The following RNF169 variants were observed in gnomAD, a reference collection of about 807,000 sequenced individuals.
RNF169 encodes ring finger protein 169.
In RNF169, 24 loss-of-function variants were observed where a neutral mutation model predicts 53.9. The ratio of observed to expected loss-of-function variants is 0.45; its 90% confidence interval spans 0.32 to 0.63. RNF169 has a LOEUF of 0.63. Among genes scored for constraint, RNF169 ranks in the 20% least tolerant of loss-of-function variants. RNF169 has a pLI of 0.04. For missense variants in RNF169, 883 were observed against 906.2 expected (o/e 0.97, Z 0.33); for synonymous variants, 396 against 363.5 (o/e 1.09, Z -1.02).
intron 1 of RNF169, among the ~76,000 whole-genome samples, chr11:74,770,212 A>G (rs1034055441): frequency 1.3e-5 from 2 of 152,210 alleles, no homozygotes; most frequent in Non-Finnish European, 2.9e-5. Context: ...AGTTCAGGGT[A>G]CTCTTGGAGA....
At chr11:74,750,586 A>AC (rs2034872457) in intron 1 of RNF169, among the ~76,000 whole-genome samples, 3 of 72,448 alleles carry the variant, frequency 4.1e-5, no homozygotes, top group Non-Finnish European at 5.3e-5. Flanking sequence ...CACTCCCCTC[A>AC]CCTTTTTTTT....
chr11:74,765,716 C>A (rs140531284), intron 1 of RNF169, among the ~76,000 whole-genome samples: 1 of 151,520 alleles, frequency 6.6e-6, no homozygotes, highest in Non-Finnish European at 1.5e-5. Flanking sequence ...GCAGGAGAAT[C>A]GCTTGAACCC....
At position 74,841,243 on chromosome 11, in the gene RNF169, C is replaced by G. The variant is rs956824473; in HGVS notation, c.*4513C>G. The G allele has an allele frequency of 6.6e-6, 1 of 152,132 alleles. No individual in the cohort carries two copies. Among genetic ancestry groups the G allele is most frequent in the African/African-American group, 2.4e-5 (1 of 41,422 alleles). The allele number at this position is 152,132 out of a possible 1,614,324, so 9.4% of individuals were successfully genotyped here. On this transcript the variant is annotated 3_prime_UTR_variant, in exon 6 of 6. Coordinates refer to ENST00000299563, the MANE Select transcript of RNF169 (RefSeq NM_001098638.2). ...TCAACCCATAGAGTGGTCTTTTGAA[C>G]TGGTATCTAAACATACCTGGTTATG... is the stretch of plus-strand genomic sequence containing the variant.
At chr11:74,804,415 C>T (rs928407508) in intron 2 of RNF169, among the ~76,000 whole-genome samples, 2 of 152,148 alleles carry the variant, frequency 1.3e-5, no homozygotes, top group African/African-American at 2.4e-5. Flanking sequence ...CTATGCAGTA[C>T]GAAAGTGCTT....
rs1167478779 is a variant in RNF169 at position 74,759,892 on chromosome 11, T to C, written c.502+10510T>C. Among the ~76,000 whole-genome samples, 930 of 151,956 alleles carry C rather than the reference T, an allele frequency of 6.1e-3. 8 individuals carry two copies. Among genetic ancestry groups the C allele is most frequent in the African/African-American group, 0.021 (880 of 41,384 alleles). ...ATAGTTTCAGAAGGAATGGTACCAG[T>C]TCCTCTTTGTACCTCTGGTAGAATT... On this transcript the variant is annotated intron_variant, in intron 1 of 5. Transcript: ENST00000299563.
intron 1 of RNF169, among the ~76,000 whole-genome samples, chr11:74,772,038 C>T (rs1329997538): frequency 2.6e-5 from 4 of 152,196 alleles, no homozygotes; most frequent in South Asian, 2.1e-4. Flanking sequence ...AAGGGATACT[C>T]ATTCTGTATT....
At chr11:74,800,284 G>A (rs2035710749) in intron 2 of RNF169, among the ~76,000 whole-genome samples, 1 of 152,002 alleles carries the variant, frequency 6.6e-6, no homozygotes, top group Admixed American at 6.6e-5. Context: ...CAGGGTTTAA[G>A]GTCTTATTTG....
chr11:74,828,391 A>G lies in RNF169; in HGVS notation c.843-6285A>G, dbSNP rs189725702. Among the ~76,000 whole-genome samples the G allele has an allele frequency of 4.2e-3, 637 of 152,374 alleles. 4 individuals carry two copies. The highest frequency in any genetic ancestry group is 0.015 in the African/African-American group (608 of 41,588). On this transcript the variant is annotated intron_variant, in intron 4 of 5. Transcript: ENST00000299563. ...GATGGGAAGAATGAATATCATTAAA[A>G]TGGCTGTACTGCCCAAAGCAATTTA...
intron 1 of RNF169, among the ~76,000 whole-genome samples, chr11:74,788,779 G>A (rs17133461): frequency 0.25 from 38,244 of 152,050 alleles, 5,719 homozygotes; most frequent in East Asian, 0.53. Context: ...TTTTTGCTGT[G>A]TTGTAGGTTC....
chr11:74,805,826 A>G (rs1185222631), intron 2 of RNF169, among the ~76,000 whole-genome samples: 3 of 152,018 alleles, frequency 2.0e-5, no homozygotes, highest in African/African-American at 7.3e-5. Flanking sequence ...ATCAGAATTC[A>G]TGGATGCAAA....
intron 1 of RNF169, among the ~76,000 whole-genome samples, chr11:74,771,005 C>G (rs2035251767): frequency 6.6e-6 from 1 of 151,982 alleles, no homozygotes; most frequent in Non-Finnish European, 1.5e-5. Context: ...CAGGGTTTCA[C>G]CGTGTTGGCC....
intron 1 of RNF169, among the ~76,000 whole-genome samples, chr11:74,781,731 C>T (rs517035): frequency 0.34 from 52,314 of 152,110 alleles, 11,001 homozygotes; most frequent in African/African-American, 0.6. Context: ...GGTTGTTAGG[C>T]TCATACATAT....
In RNF169 at chr11:74,841,851, C is replaced by T. The variant is rs1341859713; in HGVS notation, c.*5121C>T. 6.6e-6 allele frequency: 1 copy of T among 152,236 alleles called. No individual in the cohort carries two copies. Among genetic ancestry groups the T allele is most frequent in the Admixed American group, 6.5e-5 (1 of 15,282 alleles). 9.4% of individuals were successfully genotyped at this position (152,236 alleles called of 1,614,324 possible). A position where few individuals can be genotyped will look rare whatever the true frequency, so the allele number is the denominator to read the frequency against. ...GGCAGATTGCCCCTTCTTGGGGCCA[C>T]CACCCTCCAAAGCTGTGCCACCAAT... On this transcript the variant is annotated 3_prime_UTR_variant, in exon 6 of 6. Transcript: ENST00000299563.
At position 74,815,843 on chromosome 11, in the gene RNF169, T is replaced by A. The variant is rs2035935867; in HGVS notation, c.724-1753T>A. ...TGAACACTTTTTACTTGGTACTGAT[T>A]TAATTATGAAGAGAGGTTTATATAG... On this transcript the variant is annotated intron_variant, in intron 3 of 5. Transcript: ENST00000299563. Among the ~76,000 whole-genome samples the A allele has an allele frequency of 2.0e-5, 3 of 152,156 alleles. No homozygotes were observed. The South Asian group carries it at 6.2e-4, about 31-fold the overall frequency.
chr11:74,790,406 T>C (rs2035562817), intron 2 of RNF169, among the ~76,000 whole-genome samples: 1 of 152,248 alleles, frequency 6.6e-6, no homozygotes, highest in Non-Finnish European at 1.5e-5. Context: ...ATCCACTTAA[T>C]CTGGATCAAG....
intron 4 of RNF169, among the ~76,000 whole-genome samples, chr11:74,833,078 C>G (rs911796348): frequency 6.6e-6 from 1 of 152,136 alleles, no homozygotes; most frequent in Non-Finnish European, 1.5e-5. Flanking sequence ...TACAGGCTGG[C>G]CACCTCTTTC....
intron 1 of RNF169, among the ~76,000 whole-genome samples, chr11:74,750,604 TTTTTTTTTTTTG>T (rs2034872925): frequency 7.5e-6 from 1 of 133,144 alleles, no homozygotes; most frequent in African/African-American, 2.8e-5. Context: ...TTTTTTTTTT[TTTTTTTTTTTTG>T]AGATGGAGTC....
In RNF169 at chr11:74,835,973, C is replaced by T. The variant is rs775379015; in HGVS notation, c.1370C>T (p.Pro457Leu). The change falls in exon 6 of 6, where the codon CCT becomes CTT. Residue 457 changes from proline to leucine, a missense_variant. By Grantham distance (98) the Pro-to-Leu change is moderately conservative. Transcript: ENST00000299563. ...LSKATLTSLA[P>L]EMGEELLGSE... ...AAAGCCACTCTTACCTCTCTGGCTC[C>T]TGAAATGGGGGAAGAGTTACTAGGC... 5.0e-6 allele frequency: 8 copies of T among 1,614,194 alleles called. No homozygotes were observed. The South Asian group carries it at 7.7e-5, about 16-fold the overall frequency.
chr11:74,785,199 TATATATATATGATA>T (rs2035475949), intron 1 of RNF169, among the ~76,000 whole-genome samples: 2 of 116,090 alleles, frequency 1.7e-5, no homozygotes, highest in African/African-American at 9.9e-5. Context: ...ATATATATGA[TATATATATATGATA>T]TATATATGTT....
Sources: gnomAD v4.1 joint callset for allele counts (sites outside exome capture counted in the v4.1 genomes callset) on GRCh38, gnomAD v4.1.1 for gene constraint, MANE v1.5 for transcripts, NCBI Gene and HGNC (gene_info 2026-07-23, HGNC 2026-07-21) for gene names.